The following POLK variants were observed in gnomAD, a reference collection of about 807,000 sequenced individuals.
POLK encodes the protein polymerase (DNA directed) kappa.
Under a neutral mutation model 94.0 loss-of-function variants are expected in POLK, and 76 were observed. The ratio of observed to expected loss-of-function variants is 0.81; its 90% CI spans 0.67 to 0.98. The LOEUF is 0.98. Ranked by LOEUF, POLK falls within the 50% of genes least tolerant of loss-of-function variation. The pLI is 0.00. For synonymous variants in POLK, 349 were observed against 325.4 expected, an observed-to-expected ratio of 1.07 and a Z score of -0.78; for missense variants, 954 against 1,010.1, an observed-to-expected ratio of 0.94 and a Z score of 0.75.
chr5:75,567,171 A>C (rs1041463513), intron 3 of POLK, among the ~76,000 whole-genome samples: 7 of 152,226 alleles, frequency 4.6e-5, no homozygotes, highest in African/African-American at 1.7e-4. Context: ...TATGAGTCTG[A>C]GGAGAATTTT....
chr5:75,567,929 A>G (rs1046960524), intron 3 of POLK, among the ~76,000 whole-genome samples: 5 of 152,196 alleles, frequency 3.3e-5, no homozygotes, highest in African/African-American at 1.2e-4. Flanking sequence ...AACATGAGTC[A>G]GGGTGATTGC....
rs570985234 is a variant in POLK, at chr5:75,535,253, T to A, written c.-13-11757T>A. On this transcript the variant is annotated intron_variant, in intron 1 of 14. Transcript: ENST00000241436. Reference sequence around the variant, plus strand: ...GGATATGGAATTCTTGGTTGAAAATTTTTTTTTAAAGAATGCTGAATATAG... The same window carrying A: ...GGATATGGAATTCTTGGTTGAAAATATTTTTTTAAAGAATGCTGAATATAG... Among the ~76,000 whole-genome samples the A allele has an allele frequency of 5.3e-5, 8 of 152,226 alleles. No individual in the cohort carries two copies. The South Asian group carries it at 1.5e-3, about 28-fold the overall frequency.
intron 1 of POLK, among the ~76,000 whole-genome samples, chr5:75,539,004 T>A (rs1241524462): frequency 6.6e-6 from 1 of 152,108 alleles, no homozygotes; most frequent in African/African-American, 2.4e-5. Context: ...ACTTCTGACC[T>A]CAGGTGATCC....
intron 1 of POLK, among the ~76,000 whole-genome samples, chr5:75,546,450 G>A (rs1032843493): frequency 2.6e-5 from 4 of 152,060 alleles, no homozygotes; most frequent in South Asian, 2.1e-4. Context: ...GTTCAAACCC[G>A]TGTTGTCTAA....
intron 4 of POLK, among the ~76,000 whole-genome samples, chr5:75,570,676 G>C (rs1333339188): frequency 2.0e-5 from 3 of 152,166 alleles, no homozygotes; most frequent in East Asian, 1.9e-4. Context: ...AACCAGGATA[G>C]CTATGTGTGG....
chr5:75,554,276 T>A (rs1770479984), intron 3 of POLK, among the ~76,000 whole-genome samples: 1 of 152,058 alleles, frequency 6.6e-6, no homozygotes. Flanking sequence ...TAAAGCAATG[T>A]TTTTTGCCCA....
At chr5:75,559,066 A>G (rs368075735) in intron 3 of POLK, among the ~76,000 whole-genome samples, 2 of 152,170 alleles carry the variant, frequency 1.3e-5, no homozygotes, top group African/African-American at 2.4e-5. Flanking sequence ...TGATTGTTCA[A>G]TTGTTTCATT....
chr5:75,512,558 T>C (rs984748852), intron 1 of POLK: 5 of 152,182 alleles, frequency 3.3e-5, no homozygotes, highest in Middle Eastern at 3.2e-3. Context: ...TGGTTTTGTG[T>C]GTACAAGGGA....
chr5:75,519,501 A>G (rs1485522943), intron 1 of POLK, among the ~76,000 whole-genome samples: 1 of 152,078 alleles, frequency 6.6e-6, no homozygotes, highest in Non-Finnish European at 1.5e-5. Context: ...CTATTATTAT[A>G]TTGCACTCTA....
chr5:75,577,070 C>T lies in POLK; in HGVS notation c.694+137C>T, dbSNP rs147660659. On this transcript the variant is annotated intron_variant, in intron 6 of 14. Coordinates refer to ENST00000241436, the Ensembl canonical transcript of POLK. ...ATGTACCTTTATAAAAATGTAAAAT[C>T]AGAAAATTTTAAAAATACCAGTGGG... 7.9e-4 allele frequency: 363 copies of T among 459,140 alleles called. 3 individuals are homozygous for T. Among genetic ancestry groups the T allele is most frequent in the African/African-American group, 5.7e-3 (281 of 49,418 alleles). 28.4% of individuals were successfully genotyped at this position (459,140 alleles called of 1,614,324 possible).
intron 10 of POLK, among the ~76,000 whole-genome samples, chr5:75,587,483 GA>G (rs1772531988): frequency 6.6e-6 from 1 of 152,180 alleles, no homozygotes; most frequent in Non-Finnish European, 1.5e-5. Flanking sequence ...GCTTAAAGAT[GA>G]TCTAGTTTAG....
chr5:75,528,163 G>A (rs1768964682), intron 1 of POLK, among the ~76,000 whole-genome samples: 5 of 152,010 alleles, frequency 3.3e-5, no homozygotes. Flanking sequence ...AATCTACTAT[G>A]TCTAAAATAT....
upstream of POLK, among the ~76,000 whole-genome samples, chr5:75,510,881 G>C (rs1337259292): frequency 6.6e-6 from 1 of 152,104 alleles, no homozygotes; most frequent in African/African-American, 2.4e-5. Flanking sequence ...TCCCAAACTG[G>C]ATCTCAGGTT....
intron 3 of POLK, among the ~76,000 whole-genome samples, chr5:75,560,121 C>A (rs1229757748): frequency 1.2e-4 from 18 of 152,152 alleles, no homozygotes; most frequent in Admixed American, 1.2e-3. Flanking sequence ...TTAGTGCTAA[C>A]ATTTACTAGC....
In POLK at chr5:75,596,940, T is replaced by TA. The variant is rs1773120796; in HGVS notation, c.2247_2248insA (p.Ser750IlefsTer11). ...GTCATCAGAATTCTTCTTCTACTGT[T>TA]TCATTGGAAAACGAAGATGTTGGAT... On this transcript the variant is annotated frameshift_variant, in exon 13 of 15. Coordinates refer to ENST00000241436, the Ensembl canonical transcript of POLK. LOFTEE classifies it high-confidence loss of function. 6.2e-7 allele frequency: 1 copy of TA among 1,613,528 alleles called. No homozygotes were observed. The highest frequency in any genetic ancestry group is 1.1e-5 in the South Asian group (1 of 91,054).
intron 1 of POLK, among the ~76,000 whole-genome samples, chr5:75,531,912 G>A (rs2112574814): frequency 6.6e-6 from 1 of 152,144 alleles, no homozygotes; most frequent in African/African-American, 2.4e-5. Flanking sequence ...TATTATCTAG[G>A]GCAGTATTCT....
chr5:75,562,050 C>G (rs1025653502), intron 3 of POLK, among the ~76,000 whole-genome samples: 1 of 152,122 alleles, frequency 6.6e-6, no homozygotes, highest in African/African-American at 2.4e-5. Flanking sequence ...TAAAGAAAGT[C>G]AGTGGTACCT....
At chr5:75,551,261 C>T (rs1412150189) in intron 2 of POLK, among the ~76,000 whole-genome samples, 2 of 151,832 alleles carry the variant, frequency 1.3e-5, no homozygotes, top group African/African-American at 2.4e-5. Context: ...AAAATGTTTA[C>T]ACTTCAGAAG....
exon 15 of POLK, chr5:75,598,164 A>T (rs369366576): frequency 5.2e-5 from 22 of 424,618 alleles, no homozygotes; most frequent in East Asian, 2.3e-4. Flanking sequence ...CTTTTCTAAG[A>T]TACATATACT....
Sources: allele counts gnomAD v4.1 joint callset (sites outside exome capture counted in the v4.1 genomes callset), GRCh38; gene constraint gnomAD v4.1.1; transcripts MANE v1.5; gene names NCBI Gene and HGNC (gene_info 2026-07-23, HGNC 2026-07-21).